Variants in LRRC49 observed in about 807,000 individuals in gnomAD.
The protein encoded by LRRC49 is leucine rich repeat containing 49, also known as leucine-rich repeat-containing protein 49.
Under a neutral mutation model 83.3 loss-of-function variants are expected in LRRC49, and 50 were observed. The observed-to-expected ratio is 0.60, with a 90% confidence interval of 0.48 to 0.76. The LOEUF is 0.76. LRRC49 is among the 30% of genes least tolerant of loss of function. LRRC49 has a pLI of 0.00. For synonymous variants in LRRC49, 286 were observed against 283.3 expected, an observed-to-expected ratio of 1.01 and a Z score of -0.10; for missense variants, 704 against 809.1, an observed-to-expected ratio of 0.87 and a Z score of 1.58.
At chr15:70,854,605 C>G (rs2032605194) in intron 1 of LRRC49, among the ~76,000 whole-genome samples, 1 of 152,188 alleles carries the variant, frequency 6.6e-6, no homozygotes, top group Non-Finnish European at 1.5e-5. Flanking sequence ...AAATTTCCAT[C>G]GTTAGTCTCC....
At chr15:70,988,776 G>T (rs994393550) in intron 11 of LRRC49, among the ~76,000 whole-genome samples, 46 of 152,116 alleles carry the variant, frequency 3.0e-4, no homozygotes, top group African/African-American at 9.6e-4. Context: ...GGCTGGTACC[G>T]GTTGTTCCTT....
At chr15:71,030,963 CA>C (rs908392150) in intron 14 of LRRC49, among the ~76,000 whole-genome samples, 5 of 152,100 alleles carry the variant, frequency 3.3e-5, no homozygotes, top group African/African-American at 1.2e-4. Context: ...TCCTTTAGCT[CA>C]AAAGAGTTTG....
intron 4 of LRRC49, among the ~76,000 whole-genome samples, chr15:70,901,453 A>C (rs1289247071): frequency 6.6e-6 from 1 of 152,124 alleles, no homozygotes; most frequent in East Asian, 1.9e-4. Context: ...ATACACCAAG[A>C]GTGATTATAC....
intron 1 of LRRC49, among the ~76,000 whole-genome samples, chr15:70,865,959 T>A (rs2141072510): frequency 6.6e-6 from 1 of 152,256 alleles, no homozygotes; most frequent in South Asian, 2.1e-4. Flanking sequence ...GTTCATAGCA[T>A]CCTGTGTTTA....
chr15:70,894,468 A>G, intron 2 of LRRC49: 1 of 346,232 alleles, frequency 2.9e-6, no homozygotes, highest in South Asian at 2.5e-5. Context: ...CCCCAAGATT[A>G]TTTCCCCATA....
chr15:70,859,205 C>T, intron 1 of LRRC49: 1 of 1,459,824 alleles, frequency 6.9e-7, no homozygotes. Context: ...GGAGGTGGAG[C>T]TTGGCAACAT....
chr15:70,939,580 GTA>G (rs961135269), intron 8 of LRRC49, among the ~76,000 whole-genome samples: 19 of 152,248 alleles, frequency 1.2e-4, no homozygotes, highest in Admixed American at 1.0e-3. Flanking sequence ...ATGCAGTGGG[GTA>G]TATCAGGGTT....
intron 14 of LRRC49, among the ~76,000 whole-genome samples, chr15:71,034,197 AC>A (rs2039447490): frequency 6.6e-6 from 1 of 152,192 alleles, no homozygotes; most frequent in South Asian, 2.1e-4. Flanking sequence ...CAAGAAAAAA[AC>A]AAACCCCATC....
intron 14 of LRRC49, among the ~76,000 whole-genome samples, chr15:71,031,756 C>CA (rs766257384): frequency 1.3e-5 from 2 of 152,076 alleles, no homozygotes; most frequent in Non-Finnish European, 2.9e-5. Context: ...GTCACTTTGC[C>CA]ATGCCCAGCC....
chr15:70,894,544 T>C lies in LRRC49; in HGVS notation c.105+904T>C, dbSNP rs1380538354. 7 of 926,152 alleles carry C rather than the reference T, an allele frequency of 7.6e-6. No homozygotes were observed. In the Admixed American group the frequency reaches 2.2e-4, roughly 29 times the overall value. 57.4% of individuals were successfully genotyped at this position (926,152 alleles called of 1,614,324 possible). The stretch of plus-strand genomic sequence containing the variant: ...TTTTTGAGATTTTGAGATAAACATG[T>C]TTTTCTTTCCTTTCTGTCTCACCTC... On this transcript the variant is annotated intron_variant, in intron 2 of 15. Coordinates refer to ENST00000260382, the MANE Select transcript of LRRC49 (RefSeq NM_017691.5).
rs374435082 is a variant in LRRC49, at chr15:70,985,576, A to G, written c.1169+1319A>G. 2.2e-3 allele frequency among the ~76,000 whole-genome samples: 333 copies of G among 152,084 alleles called. 1 individual carries two copies. Among genetic ancestry groups the G allele is most frequent in the African/African-American group, 6.7e-3 (276 of 41,496 alleles). ...TGGGAAAATTTTCTCCCATTTTGTA[A>G]GTTGCCTGTTCACTCTGATGGTAGT... On this transcript the variant is annotated intron_variant, in intron 11 of 15. Transcript: ENST00000260382.
chr15:71,008,694 A>C (rs2038548051), intron 12 of LRRC49, 78 bp downstream of exon 12: 1 of 980,962 alleles, frequency 1.0e-6, no homozygotes, highest in Non-Finnish European at 1.5e-6. Flanking sequence ...ACCTGTTTTA[A>C]CTTGTATTTA....
chr15:70,935,281 T>C (rs2035556461), intron 7 of LRRC49, among the ~76,000 whole-genome samples: 1 of 152,180 alleles, frequency 6.6e-6, no homozygotes, highest in African/African-American at 2.4e-5. Flanking sequence ...GGCTATTGTA[T>C]TGATTTTACA....
At chr15:70,911,505 T>C in intron 5 of LRRC49, 27 bp from the exon 6 acceptor site, 1 of 1,327,654 alleles carries the variant, frequency 7.5e-7, no homozygotes, top group East Asian at 2.3e-5. Context: ...ACATCCGTAT[T>C]TCTATTCTAC....
chr15:70,894,585 C>T, intron 2 of LRRC49: 1 of 1,272,084 alleles, frequency 7.9e-7, no homozygotes, highest in Non-Finnish European at 1.0e-6. Flanking sequence ...TTATACTTAC[C>T]TACTTTCTAC....
At chr15:71,040,162 G>A (rs2039655143) in intron 15 of LRRC49, among the ~76,000 whole-genome samples, 1 of 152,142 alleles carries the variant, frequency 6.6e-6, no homozygotes, top group African/African-American at 2.4e-5. Flanking sequence ...TATTTCTATA[G>A]ACATTGAAAA....
chr15:70,960,693 C>T (rs2036574560), intron 8 of LRRC49, among the ~76,000 whole-genome samples: 1 of 152,058 alleles, frequency 6.6e-6, no homozygotes, highest in African/African-American at 2.4e-5. Context: ...AAAGGATAGT[C>T]TTTTCAGCAA....
chr15:70,960,790 A>T (rs1408531308), intron 8 of LRRC49, among the ~76,000 whole-genome samples: 1 of 152,202 alleles, frequency 6.6e-6, no homozygotes, highest in Non-Finnish European at 1.5e-5. Context: ...CTCAAAATGG[A>T]TCATAGACTT....
At chr15:71,005,450 C>A (rs1361621089) in intron 11 of LRRC49, among the ~76,000 whole-genome samples, 1 of 152,028 alleles carries the variant, frequency 6.6e-6, no homozygotes, top group African/African-American at 2.4e-5. Flanking sequence ...TATTATATCC[C>A]CAATGCTTAA....
Sources: allele counts gnomAD v4.1 joint callset (sites outside exome capture counted in the v4.1 genomes callset), GRCh38; gene constraint gnomAD v4.1.1; transcripts MANE v1.5; gene names NCBI Gene and HGNC (gene_info 2026-07-23, HGNC 2026-07-21).